The following MACF1 variants were observed in gnomAD, a reference collection of about 807,000 sequenced individuals.
The protein encoded by MACF1 is microtubule actin crosslinking factor 1, also known as microtubule-actin cross-linking factor 1.
A neutral mutation model predicts 854.8 loss-of-function variants in MACF1; 193 were observed. The ratio of observed to expected loss-of-function variants is 0.23; its 90% CI spans 0.20 to 0.25. The LOEUF is 0.25. Ranked by LOEUF, MACF1 falls within the 10% of genes least tolerant of loss-of-function variation. The probability of loss-of-function intolerance (pLI) is 1.00; values close to 1 mark genes in which losing one functional copy is unlikely to be tolerated. For synonymous variants in MACF1, 3,185 were observed against 3,226.7 expected (o/e 0.99, Z 0.44); for missense variants, 7,722 against 8,929.1 (o/e 0.86, Z 5.45).
chr1:39,377,155 C>T (rs540453912), intron 52 of MACF1, among the ~76,000 whole-genome samples: 1 of 152,108 alleles, frequency 6.6e-6, no homozygotes, highest in South Asian at 2.1e-4. Flanking sequence ...AGACTACAGG[C>T]GTCCGCTGCC....
chr1:39,351,581 CTTTTTTTTTTT>C (rs36123797), intron 43 of MACF1, among the ~76,000 whole-genome samples: 1 of 85,904 alleles, frequency 1.2e-5, no homozygotes, highest in South Asian at 4.2e-4. Flanking sequence ...AAGCAAATGG[CTTTTTTTTTTT>C]TTTTTTTTTT....
At chr1:39,401,686 T>C (rs1478956142) in intron 58 of MACF1, among the ~76,000 whole-genome samples, 1 of 152,258 alleles carries the variant, frequency 6.6e-6, no homozygotes, top group African/African-American at 2.4e-5. Context: ...CCTTAGATTT[T>C]CTCCATCTTG....
intron 2 of MACF1, among the ~76,000 whole-genome samples, chr1:39,102,207 G>GAGAA (rs1230791419): frequency 6.6e-6 from 1 of 151,070 alleles, no homozygotes; most frequent in Non-Finnish European, 1.5e-5. Context: ...GAGAGAGAGA[G>GAGAA]AGAGAAAGAG....
At chr1:39,190,327 C>A (rs1290475373) in intron 2 of MACF1, among the ~76,000 whole-genome samples, 1 of 148,266 alleles carries the variant, frequency 6.7e-6, no homozygotes, top group Non-Finnish European at 1.5e-5. Flanking sequence ...CCTCTCTCTT[C>A]CTTTCTCTTT....
At chr1:39,165,753 T>A (rs1322306251) in intron 2 of MACF1, among the ~76,000 whole-genome samples, 1 of 152,226 alleles carries the variant, frequency 6.6e-6, no homozygotes, top group African/African-American at 2.4e-5. Flanking sequence ...TTGTAACAAC[T>A]GTGGGGATGG....
chr1:39,119,722 G>A (rs547073031), intron 2 of MACF1, among the ~76,000 whole-genome samples: 2 of 152,016 alleles, frequency 1.3e-5, no homozygotes, highest in South Asian at 2.1e-4. Flanking sequence ...CTATGTTCCC[G>A]ATTTTAGTGA....
intron 2 of MACF1, among the ~76,000 whole-genome samples, chr1:39,118,649 A>G (rs1240848908): frequency 6.6e-6 from 1 of 152,132 alleles, no homozygotes; most frequent in Non-Finnish European, 1.5e-5. Context: ...GAGGCATTGG[A>G]AGGAATGGTC....
chr1:39,089,524 T>C (rs1417999741), intron 2 of MACF1, among the ~76,000 whole-genome samples: 2 of 152,142 alleles, frequency 1.3e-5, no homozygotes, highest in Admixed American at 1.3e-4. Context: ...CCAGGTTCAT[T>C]TCCCTCACCA....
chr1:39,418,894 A>G (rs1351724476), intron 58 of MACF1, among the ~76,000 whole-genome samples: 1 of 152,222 alleles, frequency 6.6e-6, no homozygotes, highest in Non-Finnish European at 1.5e-5. Flanking sequence ...CAAAGATAAA[A>G]GTGTTTTAAG....
At position 39,412,771 on chromosome 1, in the gene MACF1, C is replaced by T. The variant is rs144350483; in HGVS notation, c.15817-9603C>T. On this transcript the variant is annotated intron_variant, in intron 58 of 100. Transcript: ENST00000564288. ...GATACCCGTCCTCCAGAGACCTTCC[C>T]GGACTGCTGCAGTACCCACTGTCAA... The T allele has an allele frequency of 2.4e-5, 39 of 1,612,680 alleles. No homozygotes were observed. The African/African-American group carries it at 3.1e-4, about 13-fold the overall frequency.
At position 39,317,264 on chromosome 1, in the gene MACF1, T is replaced by C. The variant is rs778945462; in HGVS notation, c.3639T>C (p.Asp1213=). The part of the protein sequence containing the change: ...KDKNSVFSVL[D]EEIAKAKVVA... ...AGAATTCAGTGTTTTCAGTCCTGGATGAGGAAATTGCCAAGGCCAAGGTAG... is the reference window on the plus strand; with the variant it reads ...AGAATTCAGTGTTTTCAGTCCTGGACGAGGAAATTGCCAAGGCCAAGGTAG... Residue 1213 remains aspartate, a synonymous_variant, in exon 29 of 101, where the codon GAT becomes GAC. Transcript: ENST00000564288. 15 of 1,614,064 alleles carry C rather than the reference T, an allele frequency of 9.3e-6. No homozygotes were observed. The highest frequency in any genetic ancestry group is 3.3e-4 in the Middle Eastern group (2 of 6,044).
chr1:39,469,760 C>A (rs1010610442), intron 97 of MACF1, 145 bp downstream of exon 97: 1 of 669,838 alleles, frequency 1.5e-6, no homozygotes, highest in Non-Finnish European at 2.7e-6. Context: ...TTTCTAACTA[C>A]TCAAGTTGAT....
intron 58 of MACF1, among the ~76,000 whole-genome samples, chr1:39,403,911 C>T (rs1642583114): frequency 6.6e-6 from 1 of 151,972 alleles, no homozygotes; most frequent in African/African-American, 2.4e-5. Context: ...GGCAGATCAC[C>T]TGAGGTCAGG....
intron 36 of MACF1, among the ~76,000 whole-genome samples, chr1:39,328,905 A>G (rs1249782230): frequency 6.6e-6 from 1 of 152,186 alleles, no homozygotes; most frequent in Non-Finnish European, 1.5e-5. Context: ...GCTACACTGC[A>G]GGCCTTTCTT....
Position 39,198,911 on chromosome 1 carries a change from T to A in MACF1, c.221-32271T>A, listed in dbSNP as rs140992964. 1.8e-4 allele frequency among the ~76,000 whole-genome samples: 27 copies of A among 152,330 alleles called. No individual in the cohort carries two copies. The East Asian group carries it at 3.3e-3, about 18-fold the overall frequency. The stretch of plus-strand genomic sequence containing the variant: ...TTCTTAAAGCCAGGTGGAACTATTA[T>A]ATAAATAAGTCTTGTAACGAGGAAG... On this transcript the variant is annotated intron_variant, in intron 2 of 93. Coordinates refer to the MACF1 transcript ENST00000361689.
chr1:39,426,758 T>G (rs1260405947), intron 61 of MACF1, among the ~76,000 whole-genome samples: 1 of 151,364 alleles, frequency 6.6e-6, no homozygotes, highest in Non-Finnish European at 1.5e-5. Context: ...GTCTGTAGTT[T>G]TTTTTGTTTG....
At position 39,442,772 on chromosome 1, in the gene MACF1, G is replaced by A. The variant is rs1290328492; in HGVS notation, c.19163G>A (p.Gly6388Asp). The A allele has an allele frequency of 6.2e-7, 1 of 1,614,110 alleles. No individual in the cohort carries two copies. Among genetic ancestry groups the A allele is most frequent in the Non-Finnish European group, 8.5e-7 (1 of 1,180,028 alleles). Residue 6388 changes from glycine to aspartate, a missense_variant, in exon 78 of 101, where the codon GGC (glycine) becomes GAC (aspartate). By Grantham distance (94) the Gly-to-Asp change is moderately conservative. Around this residue, in one of 15 missense-constraint regions of MACF1, gnomAD observed 729 missense variants for 900.5 expected, o/e 0.81. Coordinates refer to ENST00000564288, the MANE Select transcript of MACF1 (RefSeq NM_001394062.1). ...QATVETVNKA[G>D]NELLESSAGD... ...ACAGTGGAAACAGTCAACAAAGCTG[G>A]CAATGAGCTTCTTGAATCCAGTGCT...
intron 2 of MACF1, among the ~76,000 whole-genome samples, chr1:39,109,833 T>C (rs921981462): frequency 1.3e-5 from 2 of 152,192 alleles, no homozygotes; most frequent in African/African-American, 4.8e-5. Flanking sequence ...TGACTTGGGC[T>C]AAGTGAGAAA....
intron 58 of MACF1, among the ~76,000 whole-genome samples, chr1:39,406,738 C>CAAAAAAAAA (rs5773658): frequency 7.6e-4 from 24 of 31,760 alleles, no homozygotes; most frequent in East Asian, 4.0e-3. Flanking sequence ...GAGTCTCACT[C>CAAAAAAAAA]AAAAAAAAAA....
Sources: allele counts gnomAD v4.1 joint callset (sites outside exome capture counted in the v4.1 genomes callset), GRCh38; gene constraint gnomAD v4.1.1; regional missense constraint gnomAD v4.1.1; transcripts MANE v1.5; gene names NCBI Gene and HGNC (gene_info 2026-07-23, HGNC 2026-07-21).